HEATR5A: variants seen among roughly 807,000 people sequenced by gnomAD.
The protein encoded by HEATR5A is HEAT repeat-containing protein 5A.
In HEATR5A, 178 loss-of-function variants were observed where a neutral mutation model predicts 218.8. The ratio of observed to expected loss-of-function variants is 0.81; its 90% CI spans 0.72 to 0.92. HEATR5A has a LOEUF of 0.92. Among genes scored for constraint, HEATR5A ranks in the 40% least tolerant of loss-of-function variants. The probability of loss-of-function intolerance (pLI) is 0.00; values close to 1 mark genes in which losing one functional copy is unlikely to be tolerated. For synonymous variants in HEATR5A, 864 were observed against 871.6 expected, an observed-to-expected ratio of 0.99 and a Z score of 0.15; for missense variants, 2,420 against 2,418.9, an observed-to-expected ratio of 1.00 and a Z score of -0.01.
At position 31,358,704 on chromosome 14, in the gene HEATR5A, G is replaced by C. The variant is rs1237972518; in HGVS notation, c.2344C>G (p.Leu782Val). ...TTGGATGCAGAACTAATAACTGATAGTGCTGGAGGTAAGGGCTTAGGCACT... is the reference window on the plus strand; with the variant it reads ...TTGGATGCAGAACTAATAACTGATACTGCTGGAGGTAAGGGCTTAGGCACT... ...DSVPKPLPPA[L>V]SVISSASKLF... The change falls in exon 16 of 36, where the codon CTA (leucine) becomes GTA (valine). Residue 782 changes from leucine to valine, a missense_variant. Coordinates refer to ENST00000543095, the MANE Select transcript of HEATR5A (RefSeq NM_015473.4). 1 of 1,613,886 alleles carries C rather than the reference G, an allele frequency of 6.2e-7. No homozygotes were observed.
chr14:31,374,200 G>A (rs1486667299), intron 12 of HEATR5A, among the ~76,000 whole-genome samples: 1 of 151,696 alleles, frequency 6.6e-6, no homozygotes, highest in African/African-American at 2.4e-5. Flanking sequence ...CAGCTACTTG[G>A]GAGGCTGACG....
chr14:31,394,642 C>T (rs1324682021), intron 5 of HEATR5A, among the ~76,000 whole-genome samples: 3 of 151,816 alleles, frequency 2.0e-5, no homozygotes, highest in Non-Finnish European at 2.9e-5. Context: ...GGTGGAACCC[C>T]GTCTCTACTA....
At chr14:31,353,256 T>C (rs1408674112) in intron 16 of HEATR5A, among the ~76,000 whole-genome samples, 1 of 152,188 alleles carries the variant, frequency 6.6e-6, no homozygotes, top group African/African-American at 2.4e-5. Flanking sequence ...CTTGTTTTGT[T>C]TCCCCTAAAC....
chr14:31,375,902 A>C (rs930277459), intron 11 of HEATR5A, among the ~76,000 whole-genome samples: 1 of 152,192 alleles, frequency 6.6e-6, no homozygotes, highest in African/African-American at 2.4e-5. Context: ...ACCCAAACCC[A>C]TAGCTTTTCT....
At chr14:31,372,791 C>T (rs929329157) in intron 12 of HEATR5A, among the ~76,000 whole-genome samples, 6 of 152,282 alleles carry the variant, frequency 3.9e-5, no homozygotes, top group African/African-American at 4.8e-5. Flanking sequence ...CATGCCATTG[C>T]ACTCCAGCCT....
intron 27 of HEATR5A, among the ~76,000 whole-genome samples, chr14:31,314,230 G>A (rs897018252): frequency 6.6e-6 from 1 of 152,026 alleles, no homozygotes; most frequent in African/African-American, 2.4e-5. Context: ...TTATAGGCGT[G>A]AGCCACCGCG....
At chr14:31,405,666 A>G (rs1328776686) in intron 1 of HEATR5A, among the ~76,000 whole-genome samples, 1 of 152,200 alleles carries the variant, frequency 6.6e-6, no homozygotes, top group East Asian at 1.9e-4. Context: ...CTTAGTATCT[A>G]TGATTGTTTG....
At chr14:31,369,845 T>C (rs1320655648) in intron 13 of HEATR5A, among the ~76,000 whole-genome samples, 1 of 150,242 alleles carries the variant, frequency 6.7e-6, no homozygotes, top group Non-Finnish European at 1.5e-5. Flanking sequence ...GAAGAATCTC[T>C]TGAACGGGGA....
chr14:31,399,533 G>T (rs1230363693), intron 3 of HEATR5A, among the ~76,000 whole-genome samples: 1 of 152,188 alleles, frequency 6.6e-6, no homozygotes, highest in African/African-American at 2.4e-5. Flanking sequence ...AAACTTTATA[G>T]AATTATGACA....
At chr14:31,395,449 T>G in intron 4 of HEATR5A, 101 bp from the exon 5 acceptor site, 1 of 548,888 alleles carries the variant, frequency 1.8e-6, no homozygotes, top group Non-Finnish European at 3.1e-6. Flanking sequence ...ATATCCAGAC[T>G]TCTCTACATA....
In HEATR5A at chr14:31,362,137, T is replaced by C. The variant is rs778727680; in HGVS notation, c.2071+2052A>G. ...GTGCCACCATGCCCAGCTAATTATT[T>C]TGTGTATTTTTAGTAGAGATGGGAT... On this transcript the variant is annotated intron_variant, in intron 14 of 35. Coordinates refer to ENST00000543095, the MANE Select transcript of HEATR5A (RefSeq NM_015473.4). Among the ~76,000 whole-genome samples, 7 of 152,132 alleles carry C rather than the reference T, an allele frequency of 4.6e-5. No individual in the cohort carries two copies. In the East Asian group the frequency reaches 5.8e-4, roughly 13 times the overall value.
chr14:31,321,041 G>A (rs981249381), intron 25 of HEATR5A, among the ~76,000 whole-genome samples: 1 of 152,064 alleles, frequency 6.6e-6, no homozygotes, highest in African/African-American at 2.4e-5. Flanking sequence ...TCCCAATTCG[G>A]TTCATAGACA....
Position 31,293,067 on chromosome 14 carries a change from C to A in HEATR5A, c.*238G>T. ...AGTTCTTTAGCACTTTCTTAAAATTCCTGGCAAGTTAGCTCCATTGTCTTT... is the reference window on the plus strand; with the variant it reads ...AGTTCTTTAGCACTTTCTTAAAATTACTGGCAAGTTAGCTCCATTGTCTTT... On this transcript the variant is annotated 3_prime_UTR_variant, in exon 36 of 36. Transcript: ENST00000543095. The A allele has an allele frequency of 2.5e-6, 1 of 404,908 alleles. No individual in the cohort carries two copies. The highest frequency in any genetic ancestry group is 4.4e-6 in the Non-Finnish European group (1 of 229,674). 25.1% of individuals were successfully genotyped at this position (404,908 alleles called of 1,614,324 possible).
chr14:31,358,655 T>C lies in HEATR5A; in HGVS notation c.2393A>G (p.His798Arg), dbSNP rs1457633224. The change falls in exon 16 of 36, where the codon CAT becomes CGT. Residue 798 changes from histidine to arginine, a missense_variant. Transcript: ENST00000543095. ...TATTTACCTTTGAGTTTCTCCCACA[T>C]GAGCGCATACAACCCCAAAGAGCTT... ...ASKLFGVVCAHVGETQRLLIL... is the reference protein window; with the variant it reads ...ASKLFGVVCARVGETQRLLIL... 4 of 1,613,448 alleles carry C rather than the reference T, an allele frequency of 2.5e-6. No individual in the cohort carries two copies. In the Admixed American group the frequency reaches 6.7e-5, roughly 27 times the overall value.
intron 22 of HEATR5A, among the ~76,000 whole-genome samples, chr14:31,335,900 C>G (rs1028268103): frequency 2.0e-5 from 3 of 151,836 alleles, no homozygotes; most frequent in African/African-American, 4.8e-5. Context: ...GGTGATCTGC[C>G]CACCTCGGCC....
chr14:31,350,792 G>C lies in HEATR5A; in HGVS notation c.2412-75C>G, dbSNP rs2139217475. ...TGTTTGTTTGTTTGTTTGTTTGTTTGTTTGAGACGGAGTCTCACTCTGTCA... is the reference window on the plus strand; with the variant it reads ...TGTTTGTTTGTTTGTTTGTTTGTTTCTTTGAGACGGAGTCTCACTCTGTCA... On this transcript the variant is annotated intron_variant, in intron 16 of 35. Transcript: ENST00000543095. The C allele has an allele frequency of 5.9e-6, 5 of 847,206 alleles. No individual in the cohort carries two copies. In the South Asian group the frequency reaches 7.4e-5, roughly 13 times the overall value. The allele number at this position is 847,206 out of a possible 1,614,324, so 52.5% of individuals were successfully genotyped here.
chr14:31,320,699 C>T, intron 25 of HEATR5A: 1 of 447,188 alleles, frequency 2.2e-6, no homozygotes, highest in Non-Finnish European at 4.1e-6. Flanking sequence ...GGAAAATCAA[C>T]CTTTAAAGTT....
chr14:31,293,693 A>AT lies in HEATR5A; in HGVS notation c.5834-82dup, dbSNP rs998890029. 12 of 1,302,374 alleles carry AT rather than the reference A, an allele frequency of 9.2e-6. No individual in the cohort carries two copies. The African/African-American group carries it at 1.8e-4, about 20-fold the overall frequency. The allele number at this position is 1,302,374 out of a possible 1,614,324, so 80.7% of individuals were successfully genotyped here. A position where few individuals can be genotyped will look rare whatever the true frequency, so the allele number is the denominator to read the frequency against. ...CTGCAAATGCACTTGATCTGTATACATTTTTCCCCACTAAAGAAAACAATT... is the reference window on the plus strand; with the variant it reads ...CTGCAAATGCACTTGATCTGTATACATTTTTTCCCCACTAAAGAAAACAATT... On this transcript the variant is annotated intron_variant, in intron 35 of 35. Coordinates refer to ENST00000543095, the MANE Select transcript of HEATR5A (RefSeq NM_015473.4).
At chr14:31,328,155 T>C (rs1900332966) in intron 22 of HEATR5A, among the ~76,000 whole-genome samples, 1 of 151,780 alleles carries the variant, frequency 6.6e-6, no homozygotes, top group African/African-American at 2.4e-5. Context: ...GGTTTCACCA[T>C]GTTGGCCAGG....
Sources: allele counts gnomAD v4.1 joint callset (sites outside exome capture counted in the v4.1 genomes callset), GRCh38; gene constraint gnomAD v4.1.1; transcripts MANE v1.5; gene names NCBI Gene and HGNC (gene_info 2026-07-23, HGNC 2026-07-21).